OPRM1: variants seen among roughly 807,000 people sequenced by gnomAD.
OPRM1 encodes the protein opioid receptor mu 1, also known as mu-type opioid receptor.
In OPRM1, 27 loss-of-function variants were observed where a neutral mutation model predicts 31.8. That is an observed-to-expected ratio of 0.85 (90% CI 0.63 to 1.17). OPRM1 has a LOEUF of 1.17. OPRM1 is among the 50% of genes most tolerant of loss of function. OPRM1 has a pLI of 0.00. For synonymous variants in OPRM1, 196 were observed against 189.9 expected (o/e 1.03, Z -0.26); for missense variants, 536 against 511.1 (o/e 1.05, Z -0.47).
At chr6:154,139,887 C>T (rs545249785) in intron 3 of OPRM1, among the ~76,000 whole-genome samples, 2 of 152,128 alleles carry the variant, frequency 1.3e-5, no homozygotes, top group African/African-American at 2.4e-5. Context: ...AAAAAAGAAG[C>T]GTTCATTCCC....
At chr6:154,159,877 TG>T (rs749464600) in intron 3 of OPRM1, 11 of 1,613,188 alleles carry the variant, frequency 6.8e-6, no homozygotes, top group South Asian at 1.1e-5. Context: ...CTTGAGTTCC[TG>T]GGGGGTGTCA....
intron 1 of OPRM1, chr6:154,046,774 C>A (rs1170649282): frequency 6.6e-6 from 1 of 152,160 alleles, no homozygotes; most frequent in Non-Finnish European, 1.5e-5. Context: ...TGTGGCTCGA[C>A]TTCAAGGCAC....
Position 154,084,947 on chromosome 6 carries a change from CACACAT to C in OPRM1, c.291-4878_291-4873del, listed in dbSNP as rs1285151026. On this transcript the variant is annotated intron_variant, in intron 1 of 3. Transcript: ENST00000330432. Reference sequence around the variant, plus strand: ...ACACACACACACACACACACACACACACACATGCTGGATTCTAAAATGTGTCCTTCC... The same window carrying C: ...ACACACACACACACACACACACACACGCTGGATTCTAAAATGTGTCCTTCC... 3.0e-3 allele frequency among the ~76,000 whole-genome samples: 460 copies of C among 151,698 alleles called. 5 individuals are homozygous for C. Among genetic ancestry groups the C allele is most frequent in the African/African-American group, 0.011 (434 of 41,214 alleles).
intron 3 of OPRM1, among the ~76,000 whole-genome samples, chr6:154,195,129 A>G (rs181882657): frequency 1.0e-3 from 150 of 149,594 alleles, no homozygotes; most frequent in Non-Finnish European, 1.5e-3. Flanking sequence ...TACAGCTAAA[A>G]TAATTTTTCT....
At chr6:154,085,020 A>G (rs1208139129) in intron 1 of OPRM1, among the ~76,000 whole-genome samples, 2 of 152,154 alleles carry the variant, frequency 1.3e-5, no homozygotes, top group East Asian at 3.8e-4. Context: ...GAACTGAGAC[A>G]CGATCACCAC....
intron 1 of OPRM1, among the ~76,000 whole-genome samples, chr6:154,057,646 A>C (rs2128427074): frequency 6.6e-6 from 1 of 152,344 alleles, no homozygotes; most frequent in South Asian, 2.1e-4. Context: ...TATTGACCAT[A>C]ATTTATAAGT....
chr6:154,077,271 G>A (rs1368094817), intron 1 of OPRM1, among the ~76,000 whole-genome samples: 1 of 151,748 alleles, frequency 6.6e-6, no homozygotes, highest in Non-Finnish European at 1.5e-5. Context: ...ATAAGGGGGT[G>A]GTTTCTGGGA....
rs1298141706 is a variant in OPRM1 at position 154,125,644 on chromosome 6, CT to C, written c.*6926del. Among the ~76,000 whole-genome samples, 2 of 152,192 alleles carry C rather than the reference CT, an allele frequency of 1.3e-5. No individual in the cohort carries two copies. Among genetic ancestry groups the C allele is most frequent in the Non-Finnish European group, 2.9e-5 (2 of 68,038 alleles). On this transcript the variant is annotated 3_prime_UTR_variant, in exon 4 of 4. Transcript: ENST00000330432. ...GGTTTCCAATATTACCTACAACTTC[CT>C]TTGCAATTTGATTTTTGAAAGGACC...
At chr6:154,034,078 A>G (rs935022375) in intron 1 of OPRM1, among the ~76,000 whole-genome samples, 2 of 152,212 alleles carry the variant, frequency 1.3e-5, no homozygotes, top group African/African-American at 4.8e-5. Flanking sequence ...ATTGTATTAA[A>G]TCTTGGCCCT....
At chr6:154,023,290 G>A (rs1008747820) in intron 1 of OPRM1, among the ~76,000 whole-genome samples, 1 of 151,794 alleles carries the variant, frequency 6.6e-6, no homozygotes, top group Non-Finnish European at 1.5e-5. Flanking sequence ...TTAACTCCTA[G>A]GTATTTAATT....
At chr6:154,045,891 G>A (rs1470269509) in intron 1 of OPRM1, among the ~76,000 whole-genome samples, 1 of 152,100 alleles carries the variant, frequency 6.6e-6, no homozygotes, top group African/African-American at 2.4e-5. Flanking sequence ...CAATTCTGAG[G>A]TGCCAACTAC....
intron 1 of OPRM1, among the ~76,000 whole-genome samples, chr6:154,020,871 A>G (rs974627036): frequency 6.6e-6 from 1 of 152,194 alleles, no homozygotes; most frequent in South Asian, 2.1e-4. Flanking sequence ...ACCAACCTTT[A>G]TCAAAAGTAT....
intron 3 of OPRM1, among the ~76,000 whole-genome samples, chr6:154,195,050 C>A (rs181817270): frequency 6.6e-6 from 1 of 152,196 alleles, no homozygotes; most frequent in East Asian, 1.9e-4. Flanking sequence ...ACTGCCACCT[C>A]AGCTGTTATG....
intron 3 of OPRM1, among the ~76,000 whole-genome samples, chr6:154,098,850 T>G (rs1378944405): frequency 6.6e-6 from 1 of 152,224 alleles, no homozygotes; most frequent in Non-Finnish European, 1.5e-5. Flanking sequence ...CCTTTTCTAA[T>G]TATTATTTCC....
chr6:154,106,434 C>T lies in OPRM1; in HGVS notation c.1165-12249C>T, dbSNP rs189304047. On this transcript the variant is annotated intron_variant, in intron 3 of 3. Transcript: ENST00000330432. The stretch of plus-strand genomic sequence containing the variant: ...GCACAGCTGAGGGCATGACTAACTC[C>T]GCATGTCCCCAGACCTTACCTAGCA... 5.3e-5 allele frequency among the ~76,000 whole-genome samples: 8 copies of T among 152,326 alleles called. No homozygotes were observed. The East Asian group carries it at 7.7e-4, about 15-fold the overall frequency.
chr6:154,054,267 G>A (rs1782768381), intron 1 of OPRM1, among the ~76,000 whole-genome samples: 1 of 151,726 alleles, frequency 6.6e-6, no homozygotes, highest in Non-Finnish European at 1.5e-5. Flanking sequence ...TACTCGGGAG[G>A]CTGGGGAAGG....
At chr6:154,039,105 A>G, upstream of OPRM1, 2 of 1,499,692 alleles carry the variant, frequency 1.3e-6, no homozygotes, top group East Asian at 2.5e-5. Flanking sequence ...TTTCACTGCT[A>G]CCAAAGACTA....
rs535638127 is a variant in OPRM1 at position 154,209,789 on chromosome 6, G to A, written c.1165-36904G>A. Among the ~76,000 whole-genome samples, 14 of 152,128 alleles carry A rather than the reference G, an allele frequency of 9.2e-5. No homozygotes were observed. The South Asian group carries it at 2.1e-3, about 23-fold the overall frequency. ...AAAACAAAATCTGTCTGGGAAATAT[G>A]TGATCAGGAGGAACACATTCTGTTT... On this transcript the variant is annotated intron_variant, in intron 3 of 3. Coordinates refer to the OPRM1 transcript ENST00000337049.
At position 154,126,212 on chromosome 6, in the gene OPRM1, TAAAG is replaced by T. The variant is rs1194857180; in HGVS notation, c.*7494_*7497del. 6.6e-5 allele frequency among the ~76,000 whole-genome samples: 10 copies of T among 151,622 alleles called. No individual in the cohort carries two copies. Among genetic ancestry groups the T allele is most frequent in the African/African-American group, 2.4e-4 (10 of 41,324 alleles). On this transcript the variant is annotated 3_prime_UTR_variant, in exon 4 of 4. Coordinates refer to ENST00000330432, the MANE Select transcript of OPRM1 (RefSeq NM_000914.5). Reference sequence around the variant, plus strand: ...GAGAAGAGAAAAAAAAAAGAGGAAATAAAGAAGACAACTCTTTTCCTAAGAGTCT... The same window carrying T: ...GAGAAGAGAAAAAAAAAAGAGGAAATAAGACAACTCTTTTCCTAAGAGTCT...
Sources: allele counts gnomAD v4.1 joint callset (sites outside exome capture counted in the v4.1 genomes callset), GRCh38; gene constraint gnomAD v4.1.1; transcripts MANE v1.5; gene names NCBI Gene and HGNC (gene_info 2026-07-23, HGNC 2026-07-21).